The following MAD1L1 variants were observed in gnomAD, a reference collection of about 807,000 sequenced individuals.
MAD1L1 encodes mitotic spindle assembly checkpoint protein MAD1.
MAD1L1 carries 95 observed loss-of-function variants against 96.9 expected under a neutral mutation model. The observed-to-expected ratio is 0.98, with a 90% confidence interval of 0.83 to 1.16. MAD1L1 has a LOEUF of 1.16. Among genes scored for constraint, MAD1L1 ranks in the 50% most tolerant of loss-of-function variants. MAD1L1 has a pLI of 0.00. For synonymous variants in MAD1L1, 473 were observed against 396.6 expected (o/e 1.19, Z -2.29); for missense variants, 1,007 against 954.4 (o/e 1.06, Z -0.73).
intron 18 of MAD1L1, among the ~76,000 whole-genome samples, chr7:1,866,306 C>T (rs1468254335): frequency 1.3e-5 from 2 of 152,196 alleles, no homozygotes; most frequent in Admixed American, 1.3e-4. Context: ...CGCCTAGGCC[C>T]TTGCGCTGTG....
intron 12 of MAD1L1, among the ~76,000 whole-genome samples, chr7:2,030,516 C>A (rs1584129125): frequency 6.6e-6 from 1 of 152,182 alleles, no homozygotes; most frequent in South Asian, 2.1e-4. Context: ...GCCTGTTACA[C>A]GCGGGCCCCT....
At chr7:1,878,731 T>TC (rs35603667) in intron 18 of MAD1L1, among the ~76,000 whole-genome samples, 1,551 of 128,818 alleles carry the variant, frequency 0.012, 19 homozygotes, top group African/African-American at 0.033. Context: ...GGTAAAAATG[T>TC]CCCCCCCCCC....
At chr7:1,966,213 C>T (rs1780160494) in intron 15 of MAD1L1, among the ~76,000 whole-genome samples, 1 of 152,260 alleles carries the variant, frequency 6.6e-6, no homozygotes, top group Admixed American at 6.5e-5. Flanking sequence ...CTAGAAACCA[C>T]CCAGGTCGGC....
chr7:1,846,541 T>C (rs891422221), intron 18 of MAD1L1: 1 of 153,694 alleles, frequency 6.5e-6, no homozygotes, highest in African/African-American at 2.4e-5. Flanking sequence ...TTGGGCCAAG[T>C]GTGTCCAGCC....
chr7:1,856,007 C>A (rs1020430256), intron 18 of MAD1L1, among the ~76,000 whole-genome samples: 9 of 152,152 alleles, frequency 5.9e-5, no homozygotes, highest in African/African-American at 1.9e-4. Flanking sequence ...CACTTCCTCG[C>A]GGTGCGCTCA....
At chr7:2,022,858 G>A (rs1267592898) in intron 12 of MAD1L1, among the ~76,000 whole-genome samples, 1 of 152,102 alleles carries the variant, frequency 6.6e-6, no homozygotes, top group Non-Finnish European at 1.5e-5. Context: ...AAGGAAGAAA[G>A]CTAGACCACA....
At chr7:2,001,522 G>A (rs1239592205) in intron 14 of MAD1L1, among the ~76,000 whole-genome samples, 1 of 152,276 alleles carries the variant, frequency 6.6e-6, no homozygotes, top group East Asian at 1.9e-4. Context: ...GCAGCCAGGA[G>A]AGTGGGGCCC....
chr7:1,965,589 G>T (rs1562567500), intron 15 of MAD1L1, among the ~76,000 whole-genome samples: 1 of 152,250 alleles, frequency 6.6e-6, no homozygotes, highest in Non-Finnish European at 1.5e-5. Context: ...TCAGGAGCGT[G>T]GGACCCTCCC....
intron 16 of MAD1L1, among the ~76,000 whole-genome samples, chr7:1,950,746 G>A (rs771136228): frequency 3.9e-5 from 6 of 152,232 alleles, no homozygotes; most frequent in Non-Finnish European, 5.9e-5. Context: ...TAGTGGGGCC[G>A]TTGGCAAAGC....
chr7:2,073,538 G>A (rs989666825), intron 11 of MAD1L1, among the ~76,000 whole-genome samples: 2 of 152,140 alleles, frequency 1.3e-5, no homozygotes, highest in East Asian at 1.9e-4. Flanking sequence ...CCATCTCCCC[G>A]ATCCGCTGGC....
At chr7:2,232,776 G>A (rs530095984) in intron 1 of MAD1L1, 96 bp downstream of exon 1, 4 of 152,190 alleles carry the variant, frequency 2.6e-5, no homozygotes, top group East Asian at 3.9e-4. Context: ...CCACCCTGGC[G>A]AGCACACCCG....
rs149982593 is a variant in MAD1L1 at position 2,105,820 on chromosome 7, G to A, written c.1074-36482C>T. On this transcript the variant is annotated intron_variant, in intron 11 of 18. Coordinates refer to ENST00000265854, the MANE Select transcript of MAD1L1 (RefSeq NM_001013836.2). ...CAGCTCCAGCTCTCTCCTCCTCAACGCTCCTCACCCACCCCGCTCCCCAGC... is the reference window on the plus strand; with the variant it reads ...CAGCTCCAGCTCTCTCCTCCTCAACACTCCTCACCCACCCCGCTCCCCAGC... 7.9e-5 allele frequency among the ~76,000 whole-genome samples: 12 copies of A among 151,998 alleles called. No homozygotes were observed. In the East Asian group the frequency reaches 2.1e-3, roughly 27 times the overall value.
intron 15 of MAD1L1, among the ~76,000 whole-genome samples, chr7:1,964,995 T>G (rs1301147684): frequency 1.3e-5 from 2 of 152,178 alleles, no homozygotes; most frequent in Admixed American, 1.3e-4. Context: ...ACCCCTGCAC[T>G]GCCCGCCAGC....
chr7:2,198,426 C>T (rs1188708492), intron 10 of MAD1L1, among the ~76,000 whole-genome samples: 1 of 152,248 alleles, frequency 6.6e-6, no homozygotes, highest in Non-Finnish European at 1.5e-5. Context: ...AACAAAACCA[C>T]TGCCTGAGCA....
chr7:1,969,065 A>G (rs1211573435), intron 15 of MAD1L1, among the ~76,000 whole-genome samples: 3 of 152,180 alleles, frequency 2.0e-5, no homozygotes, highest in Non-Finnish European at 4.4e-5. Context: ...TCTGGTAAAC[A>G]GTGTGGCAAT....
intron 11 of MAD1L1, among the ~76,000 whole-genome samples, chr7:2,145,650 T>C (rs1789260746): frequency 6.6e-6 from 1 of 152,192 alleles, no homozygotes; most frequent in Non-Finnish European, 1.5e-5. Flanking sequence ...CGGCTCGGCA[T>C]CTGCTCACTG....
chr7:1,927,009 G>T (rs1401343357), intron 17 of MAD1L1, among the ~76,000 whole-genome samples: 3 of 152,202 alleles, frequency 2.0e-5, no homozygotes, highest in Non-Finnish European at 4.4e-5. Flanking sequence ...TAACCCAGAT[G>T]TAAGAAGTGA....
intron 10 of MAD1L1, among the ~76,000 whole-genome samples, chr7:2,164,309 G>A (rs1389301040): frequency 6.6e-6 from 1 of 152,180 alleles, no homozygotes; most frequent in Non-Finnish European, 1.5e-5. Context: ...TGGCACAGCA[G>A]AAAGCCCGCA....
intron 18 of MAD1L1, among the ~76,000 whole-genome samples, chr7:1,837,594 T>TA (rs1162296440): frequency 2.6e-5 from 4 of 152,244 alleles, no homozygotes; most frequent in African/African-American, 9.6e-5. Flanking sequence ...TCTATCCGTA[T>TA]GACTGTAAAG....
Sources: allele counts gnomAD v4.1 joint callset (sites outside exome capture counted in the v4.1 genomes callset), GRCh38; gene constraint gnomAD v4.1.1; transcripts MANE v1.5; gene names NCBI Gene and HGNC (gene_info 2026-07-23, HGNC 2026-07-21).